PAX7: variants seen among roughly 807,000 people sequenced by gnomAD.
PAX7 encodes the protein paired box protein Pax-7.
A neutral mutation model predicts 50.7 loss-of-function variants in PAX7; 18 were observed. The ratio of observed to expected loss-of-function variants is 0.36; its 90% CI spans 0.25 to 0.53. The LOEUF is 0.53. PAX7 is among the 20% of genes least tolerant of loss of function. The pLI is 0.93. For missense variants in PAX7, 644 were observed against 702.9 expected (o/e 0.92, Z 0.95); for synonymous variants, 310 against 290.4 (o/e 1.07, Z -0.69).
intron 7 of PAX7, among the ~76,000 whole-genome samples, chr1:18,705,124 A>G (rs1370683554): frequency 6.6e-6 from 1 of 152,204 alleles, no homozygotes; most frequent in Non-Finnish European, 1.5e-5. Context: ...AGTCCTCACC[A>G]GGCCACCCCA....
At chr1:18,643,124 G>C (rs1329520589) in intron 4 of PAX7, among the ~76,000 whole-genome samples, 1 of 152,192 alleles carries the variant, frequency 6.6e-6, no homozygotes. Flanking sequence ...CAGCTCAAAA[G>C]AGGCCCCGAG....
chr1:18,702,962 T>G, intron 6 of PAX7, 132 bp from the exon 7 acceptor site: 21 of 801,752 alleles, frequency 2.6e-5, no homozygotes, highest in South Asian at 3.5e-5. Context: ...CCAGGTAGCA[T>G]GAGAGGGTGG....
chr1:18,654,524 C>T (rs549791298), intron 4 of PAX7, among the ~76,000 whole-genome samples: 22 of 152,320 alleles, frequency 1.4e-4, no homozygotes, highest in African/African-American at 4.8e-4. Context: ...CCTAAATCTC[C>T]ACTCACCCAC....
intron 7 of PAX7, among the ~76,000 whole-genome samples, chr1:18,719,786 G>A (rs550142235): frequency 1.6e-5 from 2 of 128,662 alleles, no homozygotes; most frequent in South Asian, 5.8e-4. Flanking sequence ...GGTCTCTGGG[G>A]TGAAACAGCT....
At chr1:18,648,057 C>A (rs748023865) in intron 4 of PAX7, among the ~76,000 whole-genome samples, 40 of 152,222 alleles carry the variant, frequency 2.6e-4, no homozygotes, top group Non-Finnish European at 4.7e-4. Context: ...TCTGTCCCCA[C>A]AGGCAGAGGC....
intron 7 of PAX7, among the ~76,000 whole-genome samples, chr1:18,718,436 G>A (rs889519665): frequency 3.9e-5 from 6 of 152,156 alleles, no homozygotes; most frequent in Admixed American, 3.9e-4. Context: ...GTAGGTCCAT[G>A]GTGGGACTGG....
At chr1:18,670,847 G>T (rs2100235783) in intron 4 of PAX7, among the ~76,000 whole-genome samples, 1 of 152,296 alleles carries the variant, frequency 6.6e-6, no homozygotes, top group East Asian at 1.9e-4. Context: ...CAGGGCTGGA[G>T]ACGCCTTCAG....
At chr1:18,682,665 C>T (rs1215203668) in intron 4 of PAX7, among the ~76,000 whole-genome samples, 1 of 152,200 alleles carries the variant, frequency 6.6e-6, no homozygotes, top group African/African-American at 2.4e-5. Flanking sequence ...CCACCCCCTC[C>T]TCTGGGGCCA....
At chr1:18,728,324 G>A (rs1234946476) in intron 7 of PAX7, among the ~76,000 whole-genome samples, 1 of 151,972 alleles carries the variant, frequency 6.6e-6, no homozygotes, top group African/African-American at 2.4e-5. Context: ...CTGTCTGTTC[G>A]TGTTGGCGTG....
Position 18,726,635 on chromosome 1 carries a change from C to T in PAX7, c.1156-8997C>T, listed in dbSNP as rs115474901. On this transcript the variant is annotated intron_variant, in intron 7 of 8. Transcript: ENST00000420770. The surrounding 1 kb of genome is among the most constrained non-coding windows in gnomAD (Gnocchi z 4.8). Reference sequence around the variant, plus strand: ...GCCTTAGTGGGACTGAAAGTTTCCACGGGGTAAGGCTTGAACACAGGGACC... The same window carrying T: ...GCCTTAGTGGGACTGAAAGTTTCCATGGGGTAAGGCTTGAACACAGGGACC... Among the ~76,000 whole-genome samples the T allele has an allele frequency of 9.2e-5, 14 of 152,326 alleles. No homozygotes were observed. Among genetic ancestry groups the T allele is most frequent in the African/African-American group, 9.6e-5 (4 of 41,558 alleles).
At chr1:18,692,051 G>C (rs1052644637) in intron 5 of PAX7, 98 bp downstream of exon 5, 2 of 1,169,962 alleles carry the variant, frequency 1.7e-6, no homozygotes, top group African/African-American at 3.0e-5. Context: ...ACCCCTCGGG[G>C]GGTTTACAAC....
chr1:18,713,978 A>C (rs2089386588), intron 7 of PAX7, among the ~76,000 whole-genome samples: 1 of 152,212 alleles, frequency 6.6e-6, no homozygotes, highest in Admixed American at 6.5e-5. Flanking sequence ...TGGGAGGCCA[A>C]GGCGGGTGGA....
chr1:18,718,293 C>T (rs1376707218), intron 7 of PAX7, among the ~76,000 whole-genome samples: 2 of 152,156 alleles, frequency 1.3e-5, no homozygotes, highest in Non-Finnish European at 2.9e-5. Context: ...CAGCAGAATC[C>T]AGGCCATACC....
At position 18,634,993 on chromosome 1, in the gene PAX7, GA is replaced by G; in HGVS notation, c.322-117del. On this transcript the variant is annotated intron_variant, in intron 2 of 8. Transcript: ENST00000420770. This position sits in a 1 kb window ranked among gnomAD's most constrained non-coding sequence, Gnocchi z 4.0. ...AAGCCAATCTCTTGGGGGATGGGGG[GA>G]CACAAGGTAACCAGAACCACCAGCC... 1.6e-6 allele frequency: 2 copies of G among 1,272,208 alleles called. No individual in the cohort carries two copies. Among genetic ancestry groups the G allele is most frequent in the Middle Eastern group, 5.5e-4 (2 of 3,638 alleles). The allele number at this position is 1,272,208 out of a possible 1,614,324, so 78.8% of individuals were successfully genotyped here. A position where few individuals can be genotyped will look rare whatever the true frequency, so the allele number is the denominator to read the frequency against.
At chr1:18,691,356 C>G (rs1286170886) in intron 4 of PAX7, among the ~76,000 whole-genome samples, 2 of 152,164 alleles carry the variant, frequency 1.3e-5, no homozygotes. Context: ...GAGAATACAG[C>G]TCTACGGATT....
rs564573769 is a variant in PAX7 at position 18,693,997 on chromosome 1, C to A, written c.786+2044C>A. ...CTGAGGGGGCGGGGCCCGCCTCCTG[C>A]GTCTTATTGACTTCCTATCATACTC... On this transcript the variant is annotated intron_variant, in intron 5 of 8. Transcript: ENST00000420770. 4.1e-4 allele frequency among the ~76,000 whole-genome samples: 62 copies of A among 152,278 alleles called. 1 individual carries two copies. The South Asian group carries it at 0.012, about 31-fold the overall frequency.
intron 7 of PAX7, among the ~76,000 whole-genome samples, chr1:18,732,292 G>A (rs1462877538): frequency 1.3e-5 from 2 of 152,342 alleles, no homozygotes; most frequent in South Asian, 2.1e-4. Context: ...TTTCATGGCT[G>A]TGTCCCCAGT....
chr1:18,654,613 G>T (rs996903801), intron 4 of PAX7, among the ~76,000 whole-genome samples: 8 of 152,200 alleles, frequency 5.3e-5, no homozygotes, highest in South Asian at 2.1e-4. Context: ...CCACAACAGC[G>T]GGTGGGCTGC....
chr1:18,631,354 C>T lies in PAX7; in HGVS notation c.-250C>T, dbSNP rs1018976508. 4.0e-6 allele frequency: 2 copies of T among 505,916 alleles called. No homozygotes were observed. Among genetic ancestry groups the T allele is most frequent in the Non-Finnish European group, 7.1e-6 (2 of 280,398 alleles). The allele number at this position is 505,916 out of a possible 1,614,324, so 31.3% of individuals were successfully genotyped here. ...GGGTTGGAGTGTTTGTTTGTTTGAA[C>T]TTCCTCGTCGTCGCCACCTTCCCTC... On this transcript the variant is annotated 5_prime_UTR_variant, in exon 1 of 9. Transcript: ENST00000420770.
Sources: gnomAD v4.1 joint callset for allele counts (sites outside exome capture counted in the v4.1 genomes callset) on GRCh38, gnomAD v4.1.1 for gene constraint, Gnocchi (gnomAD v3.1) non-coding constraint, MANE v1.5 for transcripts, NCBI Gene and HGNC (gene_info 2026-07-23, HGNC 2026-07-21) for gene names.